GRAMD1B: variants seen among roughly 807,000 people sequenced by gnomAD.
GRAMD1B encodes the protein GRAM domain containing 1B, also known as protein Aster-B.
In GRAMD1B, 37 loss-of-function variants were observed where a neutral mutation model predicts 99.7. The observed-to-expected ratio is 0.37, with a 90% confidence interval of 0.29 to 0.49. GRAMD1B has a LOEUF of 0.49. Ranked by LOEUF, GRAMD1B falls within the 20% of genes least tolerant of loss-of-function variation. GRAMD1B has a pLI of 0.98. For synonymous variants in GRAMD1B, 427 were observed against 387.6 expected (o/e 1.10, Z -1.19); for missense variants, 888 against 1,009.2 (o/e 0.88, Z 1.63).
chr11:123,539,281 C>T (rs527932215), intron 2 of GRAMD1B, among the ~76,000 whole-genome samples: 1 of 151,980 alleles, frequency 6.6e-6, no homozygotes, highest in Non-Finnish European at 1.5e-5. Flanking sequence ...AGCTGTCATA[C>T]AAGTAACATT....
upstream of GRAMD1B, among the ~76,000 whole-genome samples, chr11:123,428,350 A>G (rs935370392): frequency 5.3e-5 from 8 of 152,210 alleles, no homozygotes; most frequent in Non-Finnish European, 1.0e-4. Context: ...TGACCTTGGC[A>G]GGCCTGACAC....
At chr11:123,584,878 T>C (rs1949909467) in intron 4 of GRAMD1B, among the ~76,000 whole-genome samples, 1 of 152,158 alleles carries the variant, frequency 6.6e-6, no homozygotes. Flanking sequence ...GGCCACTGTC[T>C]AGGTCATCCT....
Position 123,530,878 on chromosome 11 carries a change from G to T in GRAMD1B, c.453-46489G>T, listed in dbSNP as rs573271625. Among the ~76,000 whole-genome samples, 3 of 152,258 alleles carry T rather than the reference G, an allele frequency of 2.0e-5. No homozygotes were observed. The East Asian group carries it at 5.8e-4, about 29-fold the overall frequency. ...ACCAGAACCCTGTAATCACCTTTTG[G>T]CCTGCTGTGTGGCCCTGGTAGGTAA... is the stretch of plus-strand genomic sequence containing the variant. On this transcript the variant is annotated intron_variant, in intron 2 of 19. Transcript: ENST00000635736.
At chr11:123,608,355 A>C in intron 11 of GRAMD1B, 1 of 721,488 alleles carries the variant, frequency 1.4e-6, no homozygotes, top group Non-Finnish European at 2.2e-6. Flanking sequence ...ATTTTAGTCT[A>C]AGATCAACTG....
At chr11:123,499,039 C>G (rs1477373405) in intron 2 of GRAMD1B, among the ~76,000 whole-genome samples, 1 of 152,142 alleles carries the variant, frequency 6.6e-6, no homozygotes, top group Non-Finnish European at 1.5e-5. Context: ...AGGGCTGGGA[C>G]ATGGAAGGGC....
intron 14 of GRAMD1B, among the ~76,000 whole-genome samples, chr11:123,611,917 G>A (rs906458840): frequency 1.3e-5 from 2 of 152,152 alleles, no homozygotes. Flanking sequence ...TGAACCTAAG[G>A]GGGAGGCAAA....
chr11:123,596,078 CT>C (rs991254188), intron 7 of GRAMD1B, 41 bp downstream of exon 7: 1 of 1,019,578 alleles, frequency 9.8e-7, no homozygotes, highest in African/African-American at 1.6e-5. Context: ...TCCTCCCTTA[CT>C]CCTCCTACTC....
intron 1 of GRAMD1B, among the ~76,000 whole-genome samples, chr11:123,454,173 C>T (rs749002568): frequency 6.6e-6 from 1 of 152,208 alleles, no homozygotes; most frequent in African/African-American, 2.4e-5. Context: ...CATTGGTCAT[C>T]ATGATAATAC....
intron 1 of GRAMD1B, among the ~76,000 whole-genome samples, chr11:123,366,619 G>T (rs1418087155): frequency 6.6e-6 from 1 of 152,210 alleles, no homozygotes; most frequent in African/African-American, 2.4e-5. Flanking sequence ...ATGAAAGGTG[G>T]TACAAACAAA....
At chr11:123,462,742 T>C (rs954452996) in intron 1 of GRAMD1B, among the ~76,000 whole-genome samples, 2 of 152,046 alleles carry the variant, frequency 1.3e-5, no homozygotes, top group Admixed American at 1.3e-4. Flanking sequence ...ACACAAACAC[T>C]GCGGAAGGCC....
intron 1 of GRAMD1B, among the ~76,000 whole-genome samples, chr11:123,437,732 C>A (rs888557177): frequency 2.0e-5 from 3 of 152,212 alleles, no homozygotes; most frequent in Non-Finnish European, 4.4e-5. Context: ...TGGTGCCAGC[C>A]TAGCTGGCGT....
At chr11:123,452,739 T>C (rs1949944793) in intron 1 of GRAMD1B, among the ~76,000 whole-genome samples, 2 of 152,198 alleles carry the variant, frequency 1.3e-5, no homozygotes, top group Admixed American at 6.5e-5. Context: ...GTCTACTTCA[T>C]TCATTTCACA....
In GRAMD1B at chr11:123,431,001, C is replaced by G; in HGVS notation, c.209C>G (p.Pro70Arg). The G allele has an allele frequency of 1.4e-6, 1 of 702,966 alleles. No individual in the cohort carries two copies. Among genetic ancestry groups the G allele is most frequent in the Admixed American group, 2.0e-5 (1 of 50,024 alleles). The allele number at this position is 702,966 out of a possible 1,614,324, so 43.5% of individuals were successfully genotyped here. ...LARDLPAVLA[P>R]GKEFLQLPSI... ...CGGGACCTGCCCGCCGTCTTGGCCCCCGGCAAGGAGTTCCTGCAGCTGCCG... is the reference window on the plus strand; with the variant it reads ...CGGGACCTGCCCGCCGTCTTGGCCCGCGGCAAGGAGTTCCTGCAGCTGCCG... Residue 70 changes from proline (P) to arginine (R), a missense_variant, in exon 1 of 20, where the codon CCC (proline) becomes CGC (arginine). This residue lies in a region of GRAMD1B where 233 missense variants were observed against 154.6 expected (regional missense o/e 1.51). Transcript: ENST00000635736.
At chr11:123,549,116 T>C (rs1945352341) in intron 2 of GRAMD1B, among the ~76,000 whole-genome samples, 1 of 152,146 alleles carries the variant, frequency 6.6e-6, no homozygotes, top group Non-Finnish European at 1.5e-5. Flanking sequence ...CAGGGCAGGG[T>C]TCGGCAGTGC....
intron 2 of GRAMD1B, among the ~76,000 whole-genome samples, chr11:123,503,180 G>A (rs555301793): frequency 6.6e-6 from 1 of 152,336 alleles, no homozygotes; most frequent in African/African-American, 2.4e-5. Flanking sequence ...AAGGGTACAG[G>A]CATAGGAGTG....
intron 2 of GRAMD1B, chr11:123,559,744 G>A (rs1001473077): frequency 4.2e-6 from 4 of 948,622 alleles, no homozygotes; most frequent in Admixed American, 6.2e-5. Context: ...CCTGACCTGC[G>A]GGAGAAGCGA....
At position 123,591,766 on chromosome 11, in the gene GRAMD1B, G is replaced by A. The variant is rs150813100; in HGVS notation, c.685-2316G>A. Among the ~76,000 whole-genome samples, 455 of 152,292 alleles carry A rather than the reference G, an allele frequency of 3.0e-3. 5 individuals are homozygous for A. The highest frequency in any genetic ancestry group is 0.012 in the Admixed American group (184 of 15,300). ...GGCTGCATGGTGGCAGGCCCAGCATGCCCAACTGATGAGCCTGCCATGCAC... is the reference window on the plus strand; with the variant it reads ...GGCTGCATGGTGGCAGGCCCAGCATACCCAACTGATGAGCCTGCCATGCAC... On this transcript the variant is annotated intron_variant, in intron 4 of 19. Transcript: ENST00000635736. This position sits in a 1 kb window ranked among gnomAD's most constrained non-coding sequence, Gnocchi z 4.7.
chr11:123,361,982 T>C (rs1433730685), intron 1 of GRAMD1B, among the ~76,000 whole-genome samples: 1 of 152,262 alleles, frequency 6.6e-6, no homozygotes, highest in Non-Finnish European at 1.5e-5. Flanking sequence ...AATTTATTAG[T>C]TGGTGGACCA....
intron 7 of GRAMD1B, among the ~76,000 whole-genome samples, chr11:123,596,920 G>A (rs1483213524): frequency 1.3e-5 from 2 of 152,096 alleles, no homozygotes; most frequent in Non-Finnish European, 2.9e-5. Context: ...TGGGGCAGCT[G>A]CTCAACTCTA....
Sources: gnomAD v4.1 joint callset for allele counts (sites outside exome capture counted in the v4.1 genomes callset) on GRCh38, gnomAD v4.1.1 for gene constraint, gnomAD v4.1.1 regional missense constraint, Gnocchi (gnomAD v3.1) non-coding constraint, MANE v1.5 for transcripts, NCBI Gene and HGNC (gene_info 2026-07-23, HGNC 2026-07-21) for gene names.